Variants in CDH4 observed in about 807,000 individuals in gnomAD.
CDH4 encodes the protein cadherin-4.
Under a neutral mutation model 86.0 loss-of-function variants are expected in CDH4, and 33 were observed. The observed-to-expected ratio is 0.38, with a 90% CI of 0.29 to 0.51. CDH4 has a LOEUF of 0.51. Among genes scored for constraint, CDH4 ranks in the 20% least tolerant of loss-of-function variants. CDH4 has a pLI of 0.86. For missense variants in CDH4, 1,114 were observed against 1,307.4 expected (o/e 0.85, Z 2.28); for synonymous variants, 555 against 549.4 (o/e 1.01, Z -0.14).
chr20:61,522,729 TGGCCGCGGGCTGTTGTCTTCC>T (rs1359076787), intron 2 of CDH4, among the ~76,000 whole-genome samples: 26 of 128,126 alleles, frequency 2.0e-4, no homozygotes, highest in African/African-American at 6.9e-4. Flanking sequence ...TCCGCGGAAA[TGGCCGCGGGCTGTTGTCTTCC>T]GCGGAAAGTT....
At chr20:61,378,935 T>G (rs6142739) in intron 2 of CDH4, among the ~76,000 whole-genome samples, 13,553 of 152,238 alleles carry the variant, frequency 0.089, 968 homozygotes, top group East Asian at 0.38. Context: ...CCACAGATGT[T>G]AAGCATCCAT....
chr20:61,652,934 A>ATTTATTTTTTTATTTT (rs1170029862), intron 2 of CDH4, among the ~76,000 whole-genome samples: 2 of 103,082 alleles, frequency 1.9e-5, no homozygotes, highest in Admixed American at 9.7e-5. Context: ...TTATTTATTT[A>ATTTATTTTTTTATTTT]TTTATTTTTT....
At chr20:61,437,444 G>A (rs2085290020) in intron 2 of CDH4, 1 of 152,190 alleles carries the variant, frequency 6.6e-6, no homozygotes. Flanking sequence ...TAGCCAAAAT[G>A]CCTCGCTTCC....
chr20:61,258,329 C>CAAAAAAAAAAAAAAAAA (rs778048684), intron 2 of CDH4, among the ~76,000 whole-genome samples: 7 of 62,336 alleles, frequency 1.1e-4, no homozygotes, highest in Non-Finnish European at 1.8e-4. Context: ...GACTCCGTCT[C>CAAAAAAAAAAAAAAAAA]AAAAAAAAAA....
At chr20:61,710,063 G>T (rs1345089126) in intron 2 of CDH4, among the ~76,000 whole-genome samples, 1 of 152,156 alleles carries the variant, frequency 6.6e-6, no homozygotes, top group African/African-American at 2.4e-5. Flanking sequence ...TGGGCCTGGG[G>T]AATGCAGAAT....
intron 4 of CDH4, among the ~76,000 whole-genome samples, chr20:61,803,853 G>A (rs1179121940): frequency 1.3e-5 from 2 of 152,262 alleles, no homozygotes; most frequent in African/African-American, 4.8e-5. Context: ...CGCCACCCAG[G>A]AAGGACAGGA....
At chr20:61,936,418 A>AC (rs3833322) in intron 15 of CDH4, among the ~76,000 whole-genome samples, 123 of 5,982 alleles carry the variant, frequency 0.021, 2 homozygotes, top group East Asian at 0.057. Context: ...CCTCTCCCAC[A>AC]CCCCCCCCCC....
chr20:61,363,762 G>C (rs1193837118), intron 2 of CDH4, among the ~76,000 whole-genome samples: 1 of 152,204 alleles, frequency 6.6e-6, no homozygotes, highest in Non-Finnish European at 1.5e-5. Context: ...GGGAGTGAAA[G>C]CTACCAGGTC....
At chr20:61,781,436 A>G (rs2145998668) in intron 4 of CDH4, among the ~76,000 whole-genome samples, 1 of 152,324 alleles carries the variant, frequency 6.6e-6, no homozygotes, top group African/African-American at 2.4e-5. Context: ...AAAAAATTTG[A>G]TACTCTAAAA....
intron 2 of CDH4, among the ~76,000 whole-genome samples, chr20:61,307,021 G>A (rs1334751260): frequency 6.6e-6 from 1 of 152,204 alleles, no homozygotes; most frequent in Non-Finnish European, 1.5e-5. Context: ...GAATTTGAGA[G>A]CCAGTCCATA....
intron 2 of CDH4, among the ~76,000 whole-genome samples, chr20:61,351,794 G>A (rs1243750246): frequency 2.0e-5 from 3 of 151,548 alleles, no homozygotes; most frequent in African/African-American, 7.3e-5. Context: ...TCGGCTCACT[G>A]CAACCTCCGC....
At chr20:61,696,294 G>T (rs1264452862) in intron 2 of CDH4, among the ~76,000 whole-genome samples, 1 of 152,264 alleles carries the variant, frequency 6.6e-6, no homozygotes, top group Non-Finnish European at 1.5e-5. Flanking sequence ...ACAGGGCTGA[G>T]CCAGGGGCAG....
chr20:61,680,678 A>G (rs1189038714), intron 2 of CDH4, among the ~76,000 whole-genome samples: 1 of 152,164 alleles, frequency 6.6e-6, no homozygotes, highest in Non-Finnish European at 1.5e-5. Context: ...TTCGGTAGTC[A>G]TGGTTCAGCA....
intron 2 of CDH4, among the ~76,000 whole-genome samples, chr20:61,588,886 G>A (rs2086497726): frequency 6.6e-6 from 1 of 152,172 alleles, no homozygotes; most frequent in Non-Finnish European, 1.5e-5. Flanking sequence ...AAGCCTCGAG[G>A]GCTGAGACCT....
intron 2 of CDH4, among the ~76,000 whole-genome samples, chr20:61,361,894 C>T (rs2084785278): frequency 6.6e-6 from 1 of 152,184 alleles, no homozygotes; most frequent in African/African-American, 2.4e-5. Context: ...GATCAGCTTC[C>T]TCTCATGCCC....
chr20:61,442,714 C>G (rs1377818381), intron 2 of CDH4, among the ~76,000 whole-genome samples: 2 of 152,202 alleles, frequency 1.3e-5, no homozygotes, highest in Non-Finnish European at 2.9e-5. Context: ...AGGAGGCTCC[C>G]GGGATGCACT....
intron 2 of CDH4, among the ~76,000 whole-genome samples, chr20:61,340,992 G>A (rs1372689296): frequency 6.6e-6 from 1 of 152,174 alleles, no homozygotes; most frequent in Non-Finnish European, 1.5e-5. Context: ...ATCCCCATTG[G>A]GCAGATGCAG....
rs2086067323 is a variant in CDH4, at chr20:61,544,988, C to T, written c.170-198575C>T. Among the ~76,000 whole-genome samples the T allele has an allele frequency of 6.6e-6, 1 of 152,140 alleles. No homozygotes were observed. Among genetic ancestry groups the T allele is most frequent in the South Asian group, 2.1e-4 (1 of 4,824 alleles). On this transcript the variant is annotated intron_variant, in intron 2 of 15. Transcript: ENST00000614565. The surrounding 1 kb of genome is among the most constrained non-coding windows in gnomAD (Gnocchi z 6.5). ...GACTAGCAAATGACCCTTGAGCAGC[C>T]CTACTGGGGCCCCGAGTGGACAAAC...
intron 6 of CDH4, among the ~76,000 whole-genome samples, chr20:61,868,096 A>G (rs1038227681): frequency 2.0e-5 from 3 of 152,210 alleles, no homozygotes; most frequent in Admixed American, 6.5e-5. Flanking sequence ...ATGAGCATAA[A>G]CCGCAGAATG....
Sources: gnomAD v4.1 joint callset for allele counts (sites outside exome capture counted in the v4.1 genomes callset) on GRCh38, gnomAD v4.1.1 for gene constraint, Gnocchi (gnomAD v3.1) non-coding constraint, MANE v1.5 for transcripts, NCBI Gene and HGNC (gene_info 2026-07-23, HGNC 2026-07-21) for gene names.